Variants in CAB39 observed in about 807,000 individuals in gnomAD.
CAB39 encodes the protein calcium-binding protein 39.
A neutral mutation model predicts 40.0 loss-of-function variants in CAB39; 8 were observed. The ratio of observed to expected loss-of-function variants is 0.20; its 90% CI spans 0.12 to 0.36. The LOEUF is 0.36. Among genes scored for constraint, CAB39 ranks in the 10% least tolerant of loss-of-function variants. CAB39 has a pLI of 1.00. For missense variants in CAB39, 270 were observed against 401.1 expected, an observed-to-expected ratio of 0.67 and a Z score of 2.79; for synonymous variants, 156 against 141.6, an observed-to-expected ratio of 1.10 and a Z score of -0.72.
intron 3 of CAB39, among the ~76,000 whole-genome samples, chr2:230,792,607 G>A (rs1448871785): frequency 1.3e-5 from 2 of 152,210 alleles, no homozygotes; most frequent in South Asian, 4.1e-4. Context: ...GTACAGTAGT[G>A]TAATGAAGTT....
At chr2:230,717,951 G>A (rs1694379936) in intron 1 of CAB39, among the ~76,000 whole-genome samples, 1 of 152,184 alleles carries the variant, frequency 6.6e-6, no homozygotes, top group African/African-American at 2.4e-5. Context: ...GGCCCTTCAT[G>A]TTGACCATAT....
chr2:230,763,977 C>A (rs1320623135), intron 2 of CAB39, among the ~76,000 whole-genome samples: 1 of 152,060 alleles, frequency 6.6e-6, no homozygotes, highest in South Asian at 2.1e-4. Flanking sequence ...CAAAAATTAG[C>A]CGGGTGTGGT....
chr2:230,804,810 T>C (rs1696160860), intron 5 of CAB39, among the ~76,000 whole-genome samples: 1 of 152,194 alleles, frequency 6.6e-6, no homozygotes. Context: ...GCGTGTAAAC[T>C]AGTTCAACCA....
Position 230,785,622 on chromosome 2 carries a change from A to G in CAB39, c.115-5250A>G, listed in dbSNP as rs1452310960. ...GGGTGCAGTATCAGCTGGTGAGGGA[A>G]TTCCTTCTGAAAGAGAAGGGGGCTT... On this transcript the variant is annotated intron_variant, in intron 2 of 8. Transcript: ENST00000258418. Among the ~76,000 whole-genome samples the G allele has an allele frequency of 2.0e-5, 3 of 151,902 alleles. No homozygotes were observed. In the East Asian group the frequency reaches 5.8e-4, roughly 29 times the overall value.
At chr2:230,787,342 A>G (rs1428263921) in intron 2 of CAB39, among the ~76,000 whole-genome samples, 2 of 152,174 alleles carry the variant, frequency 1.3e-5, no homozygotes, top group African/African-American at 4.8e-5. Context: ...ATTTTAGTCA[A>G]TGATTGAGGC....
intron 1 of CAB39, among the ~76,000 whole-genome samples, chr2:230,747,884 A>G (rs975559334): frequency 2.6e-5 from 4 of 152,344 alleles, no homozygotes; most frequent in East Asian, 1.9e-4. Context: ...AGGAAATCCC[A>G]TATCACTCAT....
At chr2:230,774,693 A>G (rs1286228783) in intron 2 of CAB39, among the ~76,000 whole-genome samples, 1 of 152,122 alleles carries the variant, frequency 6.6e-6, no homozygotes, top group East Asian at 1.9e-4. Context: ...GTTTGCTGAC[A>G]TATTTTAAGA....
At position 230,810,289 on chromosome 2, in the gene CAB39, C is replaced by A; in HGVS notation, c.594C>A (p.Leu198=). 2 of 1,443,576 alleles carry A rather than the reference C, an allele frequency of 1.4e-6. No homozygotes were observed. Among genetic ancestry groups the A allele is most frequent in the South Asian group, 1.3e-5 (1 of 77,358 alleles). The allele number at this position is 1,443,576 out of a possible 1,614,324, so 89.4% of individuals were successfully genotyped here. The change falls in exon 6 of 9, where the codon CTC becomes CTA. Residue 198 remains leucine (L), a synonymous_variant. Coordinates refer to ENST00000258418, the MANE Select transcript of CAB39 (RefSeq NM_016289.4). ...FKDLLTRHKL[L]SAEFLEQHYD... ...ATTTACTTACAAGACATAAATTGCT[C>A]AGTGCAGAATTTTTGGAACAGCATT...
chr2:230,742,245 G>A (rs1470646876), intron 1 of CAB39, among the ~76,000 whole-genome samples: 1 of 152,076 alleles, frequency 6.6e-6, no homozygotes, highest in Admixed American at 6.6e-5. Flanking sequence ...TGCGATCTTG[G>A]CTCACTGCAA....
chr2:230,791,263 A>T (rs1441142633), intron 3 of CAB39, among the ~76,000 whole-genome samples: 1 of 152,160 alleles, frequency 6.6e-6, no homozygotes, highest in South Asian at 2.1e-4. Context: ...CACATTGGAC[A>T]TGGAGTTTCT....
intron 5 of CAB39, among the ~76,000 whole-genome samples, chr2:230,800,572 G>C (rs1696072064): frequency 6.6e-6 from 1 of 152,224 alleles, no homozygotes; most frequent in Non-Finnish European, 1.5e-5. Flanking sequence ...AGAAGTAGCA[G>C]ACCTGCCATG....
intron 2 of CAB39, among the ~76,000 whole-genome samples, chr2:230,783,840 T>A (rs1695741410): frequency 6.6e-6 from 1 of 152,214 alleles, no homozygotes; most frequent in Non-Finnish European, 1.5e-5. Flanking sequence ...GACTTCATGG[T>A]ATGATAACAT....
At chr2:230,786,410 C>T (rs892344000) in intron 2 of CAB39, among the ~76,000 whole-genome samples, 1 of 151,890 alleles carries the variant, frequency 6.6e-6, no homozygotes, top group African/African-American at 2.4e-5. Context: ...ATTTACATGC[C>T]GTATAGTTCA....
At chr2:230,789,388 GTTC>G (rs1160201287) in intron 2 of CAB39, among the ~76,000 whole-genome samples, 8 of 152,146 alleles carry the variant, frequency 5.3e-5, no homozygotes, top group Non-Finnish European at 7.3e-5. Flanking sequence ...CTGTTGATTA[GTTC>G]TTCTTCTTAT....
At chr2:230,814,000 T>TTTTTTTTA (rs1696352996) in intron 6 of CAB39, 49 bp from the exon 7 acceptor site, 1 of 457,032 alleles carries the variant, frequency 2.2e-6, no homozygotes, top group Non-Finnish European at 3.9e-6. Context: ...TTTTTTTTTT[T>TTTTTTTTA]TTTTTTTTTT....
At chr2:230,805,309 T>C (rs1279850266) in intron 5 of CAB39, among the ~76,000 whole-genome samples, 2 of 151,824 alleles carry the variant, frequency 1.3e-5, no homozygotes, top group Non-Finnish European at 2.9e-5. Context: ...AAATGATGGG[T>C]TAATGGGTGC....
At chr2:230,818,459 A>T in intron 8 of CAB39, 57 bp from the exon 9 acceptor site, 1 of 1,394,238 alleles carries the variant, frequency 7.2e-7, no homozygotes, top group Non-Finnish European at 1.0e-6. Context: ...GCCGCAGCTC[A>T]GGTGTGGCTG....
intron 2 of CAB39, among the ~76,000 whole-genome samples, chr2:230,776,914 C>T (rs891352167): frequency 1.3e-5 from 2 of 152,176 alleles, no homozygotes; most frequent in Admixed American, 6.5e-5. Context: ...GTCTCGATCT[C>T]CTGACCTCAT....
intron 2 of CAB39, among the ~76,000 whole-genome samples, chr2:230,765,613 G>A (rs13411404): frequency 0.13 from 19,471 of 152,052 alleles, 1,498 homozygotes; most frequent in Non-Finnish European, 0.17. Context: ...GGCAAGTTTA[G>A]TCTCTGATGC....
Sources: gnomAD v4.1 joint callset for allele counts (sites outside exome capture counted in the v4.1 genomes callset) on GRCh38, gnomAD v4.1.1 for gene constraint, MANE v1.5 for transcripts, NCBI Gene and HGNC (gene_info 2026-07-23, HGNC 2026-07-21) for gene names.